FGF12: variants seen among roughly 807,000 people sequenced by gnomAD.
The protein encoded by FGF12 is fibroblast growth factor 12, also known as fibroblast growth factor 12B.
FGF12 carries 14 observed loss-of-function variants against 23.6 expected under a neutral mutation model. That is an observed-to-expected ratio of 0.59 (90% CI 0.39 to 0.93). The LOEUF (loss-of-function observed/expected upper bound fraction) is 0.93, where lower values mean the gene tolerates loss of function less well. FGF12 is among the 40% of genes least tolerant of loss of function. FGF12 has a pLI of 0.00. For missense variants in FGF12, 175 were observed against 217.8 expected, an observed-to-expected ratio of 0.80 and a Z score of 1.24; for synonymous variants, 62 against 77.3, an observed-to-expected ratio of 0.80 and a Z score of 1.04.
At chr3:192,213,894 T>G (rs532467288) in intron 4 of FGF12, among the ~76,000 whole-genome samples, 1 of 152,352 alleles carries the variant, frequency 6.6e-6, no homozygotes, top group Admixed American at 6.5e-5. Flanking sequence ...GTGGAAGCTG[T>G]GGGCATTTGA....
intron 2 of FGF12, among the ~76,000 whole-genome samples, chr3:192,643,192 G>C (rs1481972158): frequency 6.6e-6 from 1 of 152,128 alleles, no homozygotes; most frequent in Non-Finnish European, 1.5e-5. Context: ...CATTTAGAAT[G>C]GATGGATGGA....
At chr3:192,357,271 C>T (rs1231216939) in intron 3 of FGF12, among the ~76,000 whole-genome samples, 1 of 152,118 alleles carries the variant, frequency 6.6e-6, no homozygotes, top group Non-Finnish European at 1.5e-5. Context: ...ATCACCAGGT[C>T]AGGAGATCGA....
intron 3 of FGF12, among the ~76,000 whole-genome samples, chr3:192,352,237 A>G (rs755829711): frequency 6.6e-5 from 10 of 152,192 alleles, no homozygotes; most frequent in Non-Finnish European, 1.2e-4. Flanking sequence ...CCATAGAAAT[A>G]GGCTTCACAG....
rs188682063 is a variant in FGF12 at position 192,702,618 on chromosome 3, C to T, written c.13+24563G>A. ...GATCAGCCTGGGCAACATGGCGAAA[C>T]CCTAGCTTTGCAAAAATACAAAAAT... On this transcript the variant is annotated intron_variant, in intron 2 of 5. Coordinates refer to ENST00000445105, the MANE Select transcript of FGF12 (RefSeq NM_004113.6). Among the ~76,000 whole-genome samples, 14 of 152,040 alleles carry T rather than the reference C, an allele frequency of 9.2e-5. No homozygotes were observed. The East Asian group carries it at 2.5e-3, about 27-fold the overall frequency.
chr3:192,353,998 G>A (rs1301196929), intron 3 of FGF12, among the ~76,000 whole-genome samples: 1 of 152,132 alleles, frequency 6.6e-6, no homozygotes, highest in Non-Finnish European at 1.5e-5. Context: ...TCTGTTCATA[G>A]TTTAGCAATA....
intron 2 of FGF12, among the ~76,000 whole-genome samples, chr3:192,660,992 A>AT (rs199626926): frequency 0.56 from 84,862 of 150,998 alleles, 24,265 homozygotes; most frequent in East Asian, 0.67. Context: ...TTTAAAAAAA[A>AT]AATAATAATT....
rs1051859288 is a variant in FGF12 at position 192,441,043 on chromosome 3, G to T, written c.14-80505C>A. Among the ~76,000 whole-genome samples, 7 of 152,138 alleles carry T rather than the reference G, an allele frequency of 4.6e-5. No homozygotes were observed. In the East Asian group the frequency reaches 1.3e-3, roughly 29 times the overall value. On this transcript the variant is annotated intron_variant, in intron 2 of 5. Coordinates refer to ENST00000445105, the MANE Select transcript of FGF12 (RefSeq NM_004113.6). ...TTCCCAATCCCTAACACTGTTTTGG[G>T]CACCGGCAATGGTTTATGGCATAAT...
chr3:192,647,883 T>G (rs1716073159), intron 2 of FGF12, among the ~76,000 whole-genome samples: 1 of 151,960 alleles, frequency 6.6e-6, no homozygotes. Flanking sequence ...ATAGGAAAGC[T>G]GCTCAAGAAT....
intron 2 of FGF12, among the ~76,000 whole-genome samples, chr3:192,372,680 G>A (rs1238737077): frequency 1.3e-5 from 2 of 151,938 alleles, no homozygotes; most frequent in Non-Finnish European, 2.9e-5. Context: ...TCCACTAACA[G>A]CCTCCTCACT....
intron 4 of FGF12, among the ~76,000 whole-genome samples, chr3:192,278,511 G>T (rs1713939547): frequency 6.6e-6 from 1 of 152,168 alleles, no homozygotes; most frequent in Non-Finnish European, 1.5e-5. Context: ...TGACTGAACG[G>T]CATTCCCAAA....
At chr3:192,525,503 C>A (rs1724920222) in intron 2 of FGF12, among the ~76,000 whole-genome samples, 1 of 152,064 alleles carries the variant, frequency 6.6e-6, no homozygotes, top group Non-Finnish European at 1.5e-5. Context: ...TTTATTCTTG[C>A]CTTCCTTCAG....
At chr3:192,584,383 T>A (rs1713287624) in intron 2 of FGF12, among the ~76,000 whole-genome samples, 1 of 152,022 alleles carries the variant, frequency 6.6e-6, no homozygotes, top group Non-Finnish European at 1.5e-5. Context: ...TAAGAATTTT[T>A]ATCTAGTATA....
chr3:192,533,356 A>AT (rs1057368743), intron 2 of FGF12, among the ~76,000 whole-genome samples: 3 of 152,126 alleles, frequency 2.0e-5, no homozygotes, highest in South Asian at 2.1e-4. Flanking sequence ...ACAAGGTGGT[A>AT]TTTTTTTAAA....
chr3:192,354,377 T>C (rs1237469849), intron 3 of FGF12, among the ~76,000 whole-genome samples: 3 of 151,504 alleles, frequency 2.0e-5, no homozygotes, highest in African/African-American at 4.9e-5. Context: ...TAATTTTGGA[T>C]AAATAAAGGC....
At chr3:192,566,621 G>T (rs1712304967) in intron 2 of FGF12, among the ~76,000 whole-genome samples, 1 of 152,136 alleles carries the variant, frequency 6.6e-6, no homozygotes, top group South Asian at 2.1e-4. Flanking sequence ...ACTGTCTGTT[G>T]TCTCTTTGGC....
At chr3:192,592,882 G>A (rs1370279180) in intron 2 of FGF12, among the ~76,000 whole-genome samples, 3 of 151,760 alleles carry the variant, frequency 2.0e-5, no homozygotes, top group Non-Finnish European at 2.9e-5. Flanking sequence ...GATGTCACAC[G>A]TTTCTGACTG....
intron 4 of FGF12, among the ~76,000 whole-genome samples, chr3:192,262,422 C>T (rs921816887): frequency 6.6e-6 from 1 of 152,094 alleles, no homozygotes; most frequent in African/African-American, 2.4e-5. Context: ...GATCTGACTG[C>T]AGACAGTTAA....
intron 4 of FGF12, among the ~76,000 whole-genome samples, chr3:192,299,775 G>A (rs1715238005): frequency 6.6e-6 from 1 of 152,162 alleles, no homozygotes; most frequent in East Asian, 1.9e-4. Context: ...AGAACGACTG[G>A]AATGCCACAT....
intron 2 of FGF12, among the ~76,000 whole-genome samples, chr3:192,382,163 A>G (rs2108754081): frequency 6.6e-6 from 1 of 152,042 alleles, no homozygotes; most frequent in Non-Finnish European, 1.5e-5. Context: ...CGCCCAGCTA[A>G]TTTTTTGTAT....
Sources: gnomAD v4.1 joint callset for allele counts (sites outside exome capture counted in the v4.1 genomes callset) on GRCh38, gnomAD v4.1.1 for gene constraint, MANE v1.5 for transcripts, NCBI Gene and HGNC (gene_info 2026-07-23, HGNC 2026-07-21) for gene names.